CREB3L2: variants seen among roughly 807,000 people sequenced by gnomAD.
The protein encoded by CREB3L2 is cAMP responsive element binding protein 3 like 2, also known as cyclic AMP-responsive element-binding protein 3-like protein 2.
A neutral mutation model predicts 57.2 loss-of-function variants in CREB3L2; 23 were observed. The ratio of observed to expected loss-of-function variants is 0.40; its 90% CI spans 0.29 to 0.57. CREB3L2 has a LOEUF of 0.57. CREB3L2 is among the 20% of genes least tolerant of loss of function. The pLI, the probability that CREB3L2 is intolerant of heterozygous loss-of-function variation, is 0.42. For synonymous variants in CREB3L2, 268 were observed against 265.1 expected (o/e 1.01, Z -0.11); for missense variants, 628 against 634.7 (o/e 0.99, Z 0.11).
intron 11 of CREB3L2, among the ~76,000 whole-genome samples, chr7:137,881,472 G>A (rs1313283080): frequency 6.6e-6 from 1 of 152,200 alleles, no homozygotes; most frequent in Non-Finnish European, 1.5e-5. Context: ...AGGCATTTCA[G>A]ATAAGGGATA....
rs1802085455 is a variant in CREB3L2, at chr7:138,001,872, A to T, written c.-167T>A. On this transcript the variant is annotated 5_prime_UTR_variant, in exon 1 of 12. Coordinates refer to ENST00000330387, the MANE Select transcript of CREB3L2 (RefSeq NM_194071.4). This position sits in a 1 kb window ranked among gnomAD's most constrained non-coding sequence, Gnocchi z 4.2. ...AAACGTCTGCTCCTCTGCCGGAGAG[A>T]GGATGGCCAAGCGCTCCCGTCCGGT... 2.0e-6 allele frequency: 1 copy of T among 496,158 alleles called. No individual in the cohort carries two copies. The highest frequency in any genetic ancestry group is 2.0e-5 in the African/African-American group (1 of 50,182). 30.7% of individuals were successfully genotyped at this position (496,158 alleles called of 1,614,324 possible). A position where few individuals can be genotyped will look rare whatever the true frequency, so the allele number is the denominator to read the frequency against.
chr7:137,905,563 G>A (rs1799868189), intron 6 of CREB3L2, 139 bp downstream of exon 6: 1 of 910,644 alleles, frequency 1.1e-6, no homozygotes, highest in Admixed American at 1.8e-5. Context: ...CTCCTCCCAG[G>A]GCTTAGGGAA....
At chr7:137,952,961 C>T (rs1339537544) in intron 1 of CREB3L2, among the ~76,000 whole-genome samples, 9 of 152,074 alleles carry the variant, frequency 5.9e-5, no homozygotes, top group African/African-American at 1.4e-4. Context: ...GGATTACAGG[C>T]GCCTGCCACC....
rs770927796 is a variant in CREB3L2, at chr7:137,878,100, G to T, written c.*2376C>A. ...CGTTTTGGAAGGATGGTTTCCCAGAGAAAGAGTCCTGCTGTTTGGAGGTCG... is the reference window on the plus strand; with the variant it reads ...CGTTTTGGAAGGATGGTTTCCCAGATAAAGAGTCCTGCTGTTTGGAGGTCG... On this transcript the variant is annotated 3_prime_UTR_variant, in exon 12 of 12. Transcript: ENST00000330387. 14 of 230,706 alleles carry T rather than the reference G, an allele frequency of 6.1e-5. No homozygotes were observed. Among genetic ancestry groups the T allele is most frequent in the Non-Finnish European group, 9.4e-5 (11 of 116,550 alleles). 14.3% of individuals were successfully genotyped at this position (230,706 alleles called of 1,614,324 possible).
At chr7:137,887,992 G>A (rs543969745) in intron 8 of CREB3L2, among the ~76,000 whole-genome samples, 1 of 151,890 alleles carries the variant, frequency 6.6e-6, no homozygotes, top group Non-Finnish European at 1.5e-5. Flanking sequence ...TTGCTCTGTC[G>A]CACAGGCTGG....
chr7:137,897,331 C>T (rs753365314), intron 8 of CREB3L2, among the ~76,000 whole-genome samples: 23 of 152,192 alleles, frequency 1.5e-4, no homozygotes, highest in Non-Finnish European at 3.4e-4. Context: ...TAACAGCAGA[C>T]TGTCAGGGAA....
intron 1 of CREB3L2, chr7:137,933,728 G>A (rs947393138): frequency 3.9e-5 from 6 of 152,198 alleles, no homozygotes; most frequent in African/African-American, 1.4e-4. Flanking sequence ...TAGGTTCAGG[G>A]AGATCCTTGT....
At chr7:137,954,372 A>G (rs1299644263) in intron 1 of CREB3L2, among the ~76,000 whole-genome samples, 1 of 152,178 alleles carries the variant, frequency 6.6e-6, no homozygotes, top group African/African-American at 2.4e-5. Context: ...GCAGATAGCT[A>G]CCCAGAAGTA....
chr7:137,897,585 T>TCTCTGACCAACAGGTGAC (rs1389008041), intron 8 of CREB3L2, among the ~76,000 whole-genome samples: 10 of 152,066 alleles, frequency 6.6e-5, no homozygotes, highest in Non-Finnish European at 1.3e-4. Flanking sequence ...GGTCAGGTGA[T>TCTCTGACCAACAGGTGAC]CTCTGACCAA....
Position 137,930,553 on chromosome 7 carries a change from A to T in CREB3L2, c.103-2187T>A, listed in dbSNP as rs1001146425. On this transcript the variant is annotated intron_variant, in intron 1 of 11. Coordinates refer to ENST00000330387, the MANE Select transcript of CREB3L2 (RefSeq NM_194071.4). ...AGTTGTAGAACAGGATGCTTCCTTT[A>T]ATAAAGAAGAAAAGCGAACAGCAGA... Among the ~76,000 whole-genome samples, 3 of 152,354 alleles carry T rather than the reference A, an allele frequency of 2.0e-5. No individual in the cohort carries two copies. In the South Asian group the frequency reaches 6.2e-4, roughly 32 times the overall value.
chr7:137,897,630 T>A (rs1482958188), intron 8 of CREB3L2, among the ~76,000 whole-genome samples: 1 of 152,166 alleles, frequency 6.6e-6, no homozygotes, highest in Non-Finnish European at 1.5e-5. Context: ...CCCAAAGTGC[T>A]AGGATTACAG....
At chr7:137,944,442 G>A (rs1359094113) in intron 1 of CREB3L2, among the ~76,000 whole-genome samples, 2 of 152,172 alleles carry the variant, frequency 1.3e-5, no homozygotes, top group Non-Finnish European at 2.9e-5. Flanking sequence ...CTTGGGAACC[G>A]ACCACGGAAA....
chr7:137,931,169 C>A (rs1159382414), intron 1 of CREB3L2, among the ~76,000 whole-genome samples: 1 of 150,454 alleles, frequency 6.6e-6, no homozygotes, highest in Non-Finnish European at 1.5e-5. Flanking sequence ...TAGGTCAAGA[C>A]TATAGTGAAC....
intron 1 of CREB3L2, among the ~76,000 whole-genome samples, chr7:137,985,406 T>C (rs1406861290): frequency 6.6e-6 from 1 of 152,170 alleles, no homozygotes; most frequent in Non-Finnish European, 1.5e-5. Context: ...CTGCAGTGTA[T>C]GGACAGCATT....
At chr7:137,969,761 A>AACACACACACACAC (rs66931280) in intron 1 of CREB3L2, among the ~76,000 whole-genome samples, 5,529 of 103,498 alleles carry the variant, frequency 0.053, 257 homozygotes, top group African/African-American at 0.11. Context: ...AGGGTCATCA[A>AACACACACACACAC]ACACACACAC....
At chr7:137,972,706 A>ACAACAACAAC (rs1554503518) in intron 1 of CREB3L2, among the ~76,000 whole-genome samples, 5 of 51,804 alleles carry the variant, frequency 9.7e-5, no homozygotes, top group Admixed American at 8.1e-4. Flanking sequence ...AAAAAAAAAA[A>ACAACAACAAC]AAAAAAATAT....
intron 4 of CREB3L2, among the ~76,000 whole-genome samples, chr7:137,912,152 G>C (rs957541693): frequency 1.3e-5 from 2 of 152,132 alleles, no homozygotes; most frequent in African/African-American, 4.8e-5. Context: ...CGAAGCAGGC[G>C]GATTGCCTAA....
At chr7:137,903,499 A>C (rs77272526) in intron 7 of CREB3L2, among the ~76,000 whole-genome samples, 3 of 151,848 alleles carry the variant, frequency 2.0e-5, no homozygotes, top group Non-Finnish European at 2.9e-5. Context: ...AAAAAAAAAA[A>C]CATGAATTGT....
At position 137,946,806 on chromosome 7, in the gene CREB3L2, ATATATAGTTATC is replaced by A. The variant is rs1295261745; in HGVS notation, c.103-18452_103-18441del. ...GTTATCTATATAGTTATATATAGTT[ATATATAGTTATC>A]TATATAGTTATCTATATATAGTTAT... On this transcript the variant is annotated intron_variant, in intron 1 of 11. Coordinates refer to ENST00000330387, the MANE Select transcript of CREB3L2 (RefSeq NM_194071.4). Among the ~76,000 whole-genome samples, 7 of 70,668 alleles carry A rather than the reference ATATATAGTTATC, an allele frequency of 9.9e-5. 2 individuals are homozygous for A. Among genetic ancestry groups the A allele is most frequent in the Non-Finnish European group, 1.9e-4 (7 of 37,256 alleles). 46.4% of individuals were successfully genotyped at this position (70,668 alleles called of 152,430 possible).
Sources: allele counts gnomAD v4.1 joint callset (sites outside exome capture counted in the v4.1 genomes callset), GRCh38; gene constraint gnomAD v4.1.1; non-coding constraint Gnocchi (gnomAD v3.1); transcripts MANE v1.5; gene names NCBI Gene and HGNC (gene_info 2026-07-23, HGNC 2026-07-21).